ARHGAP44: variants seen among roughly 807,000 people sequenced by gnomAD.
The protein encoded by ARHGAP44 is rho GTPase-activating protein 44.
Under a neutral mutation model 106.8 loss-of-function variants are expected in ARHGAP44, and 43 were observed. The ratio of observed to expected loss-of-function variants is 0.40; its 90% CI spans 0.32 to 0.52. The LOEUF (loss-of-function observed/expected upper bound fraction) is 0.52, where lower values mean the gene tolerates loss of function less well. Among genes scored for constraint, ARHGAP44 ranks in the 20% least tolerant of loss-of-function variants. The pLI, the probability that ARHGAP44 is intolerant of heterozygous loss-of-function variation, is 0.48. For synonymous variants in ARHGAP44, 439 were observed against 410.3 expected (o/e 1.07, Z -0.85); for missense variants, 866 against 1,050.5 (o/e 0.82, Z 2.43).
intron 1 of ARHGAP44, among the ~76,000 whole-genome samples, chr17:12,840,019 TG>T (rs1316380326): frequency 6.6e-6 from 1 of 152,182 alleles, no homozygotes; most frequent in Non-Finnish European, 1.5e-5. Flanking sequence ...CAACCTTTAT[TG>T]TTTTTTTAGT....
chr17:12,915,920 G>A lies in ARHGAP44; in HGVS notation c.296G>A (p.Gly99Glu). ...TLLGKMLKLC[G>E]ETEDKLAQEL... ...TACAGGAAGATGCTGAAACTCTGTG[G>A]AGAGACGGAGGACAAGCTGGCTCAG... Residue 99 changes from glycine to glutamate, a missense_variant, in exon 5 of 21, where the codon GGA (glycine) becomes GAA (glutamate). Gly to Glu is a moderately conservative substitution (Grantham distance 98). This residue lies in a region of ARHGAP44 where 448 missense variants were observed against 646.9 expected (regional missense o/e 0.69). Transcript: ENST00000379672. 6.2e-7 allele frequency: 1 copy of A among 1,613,882 alleles called. No individual in the cohort carries two copies.
rs1285453502 is a variant in ARHGAP44 at position 12,944,178 on chromosome 17, G to A, written c.843G>A (p.Glu281=). The change falls in exon 10 of 21, where the codon GAG becomes GAA. Residue 281 remains glutamate, a synonymous_variant. Coordinates refer to ENST00000379672, the MANE Select transcript of ARHGAP44 (RefSeq NM_014859.6). ...PIEACVTMLL[E]CGMQEEGLFR... is the part of the protein sequence containing the mutation. ...AGGCGTGTGTGACCATGCTGCTTGA[G>A]TGTGGGATGCAGGAGGAGGTAGGTC... 1.9e-6 allele frequency: 3 copies of A among 1,610,810 alleles called. No homozygotes were observed. Among genetic ancestry groups the A allele is most frequent in the East Asian group, 4.5e-5 (2 of 44,792 alleles).
intron 19 of ARHGAP44, among the ~76,000 whole-genome samples, chr17:12,981,599 T>C (rs1394962537): frequency 6.6e-6 from 1 of 151,682 alleles, no homozygotes; most frequent in Non-Finnish European, 1.5e-5. Flanking sequence ...GGTTTCACCA[T>C]GTTGGCCAGA....
chr17:12,891,987 G>GGGTTTGC (rs11282664), intron 1 of ARHGAP44, among the ~76,000 whole-genome samples: 1 of 151,204 alleles, frequency 6.6e-6, no homozygotes, highest in African/African-American at 2.4e-5. Context: ...AGCAGAGATG[G>GGGTTTGC]CCATGTTGGC....
intron 1 of ARHGAP44, among the ~76,000 whole-genome samples, chr17:12,888,352 A>T (rs886399395): frequency 6.6e-6 from 1 of 152,126 alleles, no homozygotes; most frequent in African/African-American, 2.4e-5. Context: ...CCCTCCATGG[A>T]TTATTTAAAA....
chr17:12,789,833 G>A lies in ARHGAP44; in HGVS notation c.-6G>A. On this transcript the variant is annotated 5_prime_UTR_variant, in exon 1 of 21. Transcript: ENST00000379672. ...GCTCCCGGGCTAGCGCGGCAGCGGG[G>A]CCACGATGAAGAAGCAGTTCAATCG... The A allele has an allele frequency of 2.7e-6, 4 of 1,508,438 alleles. No individual in the cohort carries two copies. The highest frequency in any genetic ancestry group is 2.7e-6 in the Non-Finnish European group (3 of 1,130,684). 93.4% of individuals were successfully genotyped at this position (1,508,438 alleles called of 1,614,324 possible).
intron 1 of ARHGAP44, among the ~76,000 whole-genome samples, chr17:12,850,866 A>T (rs2035720354): frequency 6.6e-6 from 1 of 152,194 alleles, no homozygotes; most frequent in Non-Finnish European, 1.5e-5. Context: ...GACCTGGCTG[A>T]GGATAGAAGC....
At chr17:12,875,161 T>C (rs958751821) in intron 1 of ARHGAP44, among the ~76,000 whole-genome samples, 1 of 152,192 alleles carries the variant, frequency 6.6e-6, no homozygotes, top group African/African-American at 2.4e-5. Context: ...TCTGATTCTA[T>C]GGGTCTGAGC....
intron 1 of ARHGAP44, among the ~76,000 whole-genome samples, chr17:12,830,603 A>C (rs1053028169): frequency 1.3e-5 from 2 of 152,112 alleles, no homozygotes; most frequent in Non-Finnish European, 2.9e-5. Context: ...TCTAGTCACC[A>C]TTTGCCTTGC....
chr17:12,857,784 A>G (rs1471029053), intron 1 of ARHGAP44, among the ~76,000 whole-genome samples: 1 of 149,094 alleles, frequency 6.7e-6, no homozygotes, highest in African/African-American at 2.4e-5. Context: ...TTATTTATTT[A>G]TTTATTTATT....
intron 7 of ARHGAP44, among the ~76,000 whole-genome samples, chr17:12,933,336 C>A (rs2038454013): frequency 6.6e-6 from 1 of 152,034 alleles, no homozygotes; most frequent in African/African-American, 2.4e-5. Flanking sequence ...TTTTGAGGAC[C>A]AAGCAGAGCT....
intron 1 of ARHGAP44, among the ~76,000 whole-genome samples, chr17:12,830,396 A>G (rs1227435239): frequency 6.6e-6 from 1 of 151,810 alleles, no homozygotes; most frequent in Non-Finnish European, 1.5e-5. Flanking sequence ...TGTCCCTCTT[A>G]CAGTAAGATG....
At chr17:12,814,336 G>A (rs1249295175) in intron 1 of ARHGAP44, among the ~76,000 whole-genome samples, 2 of 149,322 alleles carry the variant, frequency 1.3e-5, no homozygotes, top group Admixed American at 1.3e-4. Flanking sequence ...CGCCTCCTGA[G>A]TTCAAGCAAT....
chr17:12,789,708 G>T lies in ARHGAP44; in HGVS notation c.-131G>T. ...GAGGGAGCTGCGCGCGGGCCAGACG[G>T]CGCCCGGAGGCTCCGCAGTGCCGCC... On this transcript the variant is annotated 5_prime_UTR_variant, in exon 1 of 21. Transcript: ENST00000379672. The T allele has an allele frequency of 1.3e-6, 1 of 758,768 alleles. No homozygotes were observed. Among genetic ancestry groups the T allele is most frequent in the Non-Finnish European group, 1.8e-6 (1 of 541,446 alleles). The allele number at this position is 758,768 out of a possible 1,614,324, so 47.0% of individuals were successfully genotyped here.
chr17:12,973,190 A>G, intron 16 of ARHGAP44, 112 bp from the exon 17 acceptor site: 1 of 1,079,986 alleles, frequency 9.3e-7, no homozygotes, highest in South Asian at 1.5e-5. Flanking sequence ...TAAAAATCCC[A>G]CCCCAAGACC....
chr17:12,917,775 C>T (rs1237636674), intron 5 of ARHGAP44, among the ~76,000 whole-genome samples: 1 of 152,268 alleles, frequency 6.6e-6, no homozygotes, highest in East Asian at 1.9e-4. Context: ...GGTTTTTGAG[C>T]ACCAGTGCGA....
intron 6 of ARHGAP44, among the ~76,000 whole-genome samples, chr17:12,920,094 T>C (rs2038030143): frequency 6.6e-6 from 1 of 152,018 alleles, no homozygotes; most frequent in Admixed American, 6.6e-5. Flanking sequence ...ATAAAAAATG[T>C]GGCCGGGTGC....
chr17:12,909,504 G>A (rs192541814), intron 4 of ARHGAP44, among the ~76,000 whole-genome samples: 34 of 152,056 alleles, frequency 2.2e-4, no homozygotes, highest in African/African-American at 8.0e-4. Flanking sequence ...AGAATAGGCG[G>A]GATTGAAGGC....
At chr17:12,987,140 G>C in intron 20 of ARHGAP44, 1 of 1,534,512 alleles carries the variant, frequency 6.5e-7, no homozygotes, top group Non-Finnish European at 8.7e-7. Context: ...TACGTGTGAG[G>C]GGGATTTTCA....
Sources: gnomAD v4.1 joint callset for allele counts (sites outside exome capture counted in the v4.1 genomes callset) on GRCh38, gnomAD v4.1.1 for gene constraint, gnomAD v4.1.1 regional missense constraint, MANE v1.5 for transcripts, NCBI Gene and HGNC (gene_info 2026-07-23, HGNC 2026-07-21) for gene names.